The following MYO9B variants were observed in gnomAD, a reference collection of about 807,000 sequenced individuals.
The protein encoded by MYO9B is unconventional myosin-IXb.
In MYO9B, 71 loss-of-function variants were observed where a neutral mutation model predicts 229.5. The ratio of observed to expected loss-of-function variants is 0.31; its 90% CI spans 0.26 to 0.38. The LOEUF (loss-of-function observed/expected upper bound fraction) is 0.38. Among genes scored for constraint, MYO9B ranks in the 10% least tolerant of loss-of-function variants. MYO9B has a pLI of 1.00. For synonymous variants in MYO9B, 1,185 were observed against 1,235.8 expected, an observed-to-expected ratio of 0.96 and a Z score of 0.86; for missense variants, 2,255 against 2,920.5, an observed-to-expected ratio of 0.77 and a Z score of 5.25.
chr19:17,090,284 C>T lies in MYO9B; in HGVS notation c.-58-11376C>T, dbSNP rs548507053. 1.6e-4 allele frequency among the ~76,000 whole-genome samples: 25 copies of T among 152,062 alleles called. 1 individual carries two copies. The South Asian group carries it at 5.2e-3, about 32-fold the overall frequency. On this transcript the variant is annotated intron_variant, in intron 1 of 39. Coordinates refer to ENST00000682292, the MANE Select transcript of MYO9B (RefSeq NM_004145.4). ...TCAGCCTCCTGAGTAGCTGGGATTA[C>T]AGGCACACACCACCACACCTGGCTA... is the stretch of plus-strand genomic sequence containing the variant.
In MYO9B at chr19:17,212,237, C is replaced by G. The variant is rs765668984; in HGVS notation, c.6401C>G (p.Pro2134Arg). ...CCCCTAGAAGAGGATGGCCAGCCAC[C>G]TGGGGCCAAGCGGAGGTACTCGGAT... The part of the protein sequence containing the change: ...LEPLEEDGQP[P>R]GAKRRYSDPP... The change falls in exon 40 of 40, where the codon CCT (proline) becomes CGT (arginine). Residue 2134 changes from proline (P) to arginine (R), a missense_variant. Transcript: ENST00000682292. The surrounding 1 kb of genome is among the most constrained non-coding windows in gnomAD (Gnocchi z 5.4). 1 of 1,581,626 alleles carries G rather than the reference C, an allele frequency of 6.3e-7. No individual in the cohort carries two copies.
chr19:17,090,063 C>T (rs2057621803), intron 1 of MYO9B, among the ~76,000 whole-genome samples: 1 of 147,486 alleles, frequency 6.8e-6, no homozygotes, highest in African/African-American at 2.5e-5. Context: ...TTCTCTCACT[C>T]AGCATCATGT....
chr19:17,114,632 G>C (rs193104033), intron 2 of MYO9B, among the ~76,000 whole-genome samples: 50 of 152,220 alleles, frequency 3.3e-4, no homozygotes, highest in African/African-American at 1.2e-3. Context: ...CTCCCTGCTG[G>C]GGTTTTTTGC....
intron 20 of MYO9B, among the ~76,000 whole-genome samples, chr19:17,192,268 G>GGGCGACA (rs1225729019): frequency 1.4e-5 from 2 of 140,184 alleles, no homozygotes; most frequent in African/African-American, 2.8e-5. Context: ...ACTCCAGCCT[G>GGGCGACA]GTGAGACTCC....
At chr19:17,188,443 A>AG (rs1599407279) in intron 19 of MYO9B, among the ~76,000 whole-genome samples, 1 of 146,582 alleles carries the variant, frequency 6.8e-6, no homozygotes, top group Non-Finnish European at 1.5e-5. Context: ...AAAAAAAAAA[A>AG]AAAAAAAGAA....
rs950196665 is a variant in MYO9B, at chr19:17,206,259, G to C, written c.5269G>C (p.Val1757Leu). 1 of 955,750 alleles carries C rather than the reference G, an allele frequency of 1.0e-6. No homozygotes were observed. Among genetic ancestry groups the C allele is most frequent in the Admixed American group, 2.3e-5 (1 of 42,970 alleles). The allele number at this position is 955,750 out of a possible 1,614,324, so 59.2% of individuals were successfully genotyped here. ...CACCCACCCCACAGACCCCGCAGCA[G>C]TCAAGCTGGAGAACTTCCCCATCCA... The part of the protein sequence containing the change: ...RQALQTDPAA[V>L]KLENFPIHAI... The change falls in exon 33 of 40, where the codon GTC becomes CTC. Residue 1757 changes from valine (V) to leucine (L), a missense_variant. Val to Leu is a conservative substitution (Grantham distance 32). This residue lies in a region of MYO9B where 416 missense variants were observed against 605.5 expected (regional missense o/e 0.69). Coordinates refer to ENST00000682292, the MANE Select transcript of MYO9B (RefSeq NM_004145.4).
chr19:17,078,138 G>A (rs1003263182), intron 1 of MYO9B, among the ~76,000 whole-genome samples: 1 of 152,196 alleles, frequency 6.6e-6, no homozygotes, highest in Non-Finnish European at 1.5e-5. Context: ...TTAGGCAAGG[G>A]TTGATTGTGC....
intron 14 of MYO9B, among the ~76,000 whole-genome samples, chr19:17,176,360 G>A (rs1474506512): frequency 6.6e-6 from 1 of 151,848 alleles, no homozygotes; most frequent in Admixed American, 6.6e-5. Flanking sequence ...TAGTAGAGAC[G>A]GAGTTACTCC....
At chr19:17,139,824 C>T (rs964768532) in intron 2 of MYO9B, among the ~76,000 whole-genome samples, 1 of 152,050 alleles carries the variant, frequency 6.6e-6, no homozygotes, top group East Asian at 1.9e-4. Flanking sequence ...GGCGGATCAC[C>T]TGAGGTTGGG....
chr19:17,190,094 G>C (rs191984961), intron 19 of MYO9B, among the ~76,000 whole-genome samples: 1 of 151,004 alleles, frequency 6.6e-6, no homozygotes, highest in Non-Finnish European at 1.5e-5. Flanking sequence ...ATTACAGACT[G>C]TTGACCTGGC....
At chr19:17,164,147 G>A (rs1420078761) in intron 10 of MYO9B, among the ~76,000 whole-genome samples, 2 of 152,024 alleles carry the variant, frequency 1.3e-5, no homozygotes, top group Admixed American at 6.6e-5. Context: ...AGCTAGAACC[G>A]GAATCTCCCT....
chr19:17,174,888 C>T (rs866521863), intron 13 of MYO9B, among the ~76,000 whole-genome samples: 6 of 151,494 alleles, frequency 4.0e-5, no homozygotes, highest in East Asian at 3.9e-4. Context: ...GAGCCAAGAT[C>T]GCGCCACTGC....
At chr19:17,152,842 G>T in intron 4 of MYO9B, 136 bp downstream of exon 4, 1 of 713,062 alleles carries the variant, frequency 1.4e-6, no homozygotes. Flanking sequence ...CACAGGAGCA[G>T]GGCCTGCCCA....
chr19:17,102,906 C>CA (rs55723401), intron 2 of MYO9B, among the ~76,000 whole-genome samples: 354 of 134,652 alleles, frequency 2.6e-3, no homozygotes, highest in African/African-American at 6.4e-3. Flanking sequence ...GACTCCATCT[C>CA]AAAAAAAAAA....
Position 17,168,101 on chromosome 19 carries a change from C to T in MYO9B, c.1793+37C>T, listed in dbSNP as rs199700696. ...CACCCCGTCCATCCCGGCACATCTA[C>T]GCATGGGCACTGGGTCAGGTTCTGC... On this transcript the variant is annotated intron_variant, in intron 11 of 39. Coordinates refer to ENST00000682292, the MANE Select transcript of MYO9B (RefSeq NM_004145.4). 9.1e-5 allele frequency: 146 copies of T among 1,606,998 alleles called. No homozygotes were observed. In the African/African-American group the frequency reaches 1.6e-3, roughly 17 times the overall value.
At chr19:17,185,306 G>A (rs534215159) in intron 17 of MYO9B, among the ~76,000 whole-genome samples, 16 of 151,370 alleles carry the variant, frequency 1.1e-4, no homozygotes, top group Non-Finnish European at 2.2e-4. Context: ...CCCGGGAGGC[G>A]GAGCTTGCAG....
rs61734358 is a variant in MYO9B at position 17,205,327 on chromosome 19, C to T, written c.5055C>T (p.Tyr1685=). Residue 1685 remains tyrosine (Y), a synonymous_variant, in exon 31 of 40, where the codon TAC becomes TAT. Coordinates refer to ENST00000682292, the MANE Select transcript of MYO9B (RefSeq NM_004145.4). ...TTCAGAGCCACTGCTCCTACACCTA[C>T]GGGAGGAAGGTGAGTGTACGAGGCC... is the stretch of plus-strand genomic sequence containing the variant. ...HKIQSHCSYT[Y]GRKGEPGVEP... is the part of the protein sequence containing the mutation. The T allele has an allele frequency of 2.7e-3, 4,354 of 1,613,582 alleles. 75 individuals carry two copies. In the African/African-American group the frequency reaches 0.051, roughly 19 times the overall value.
intron 1 of MYO9B, among the ~76,000 whole-genome samples, chr19:17,083,265 A>G (rs2057551572): frequency 1.3e-5 from 2 of 152,254 alleles, no homozygotes; most frequent in Non-Finnish European, 2.9e-5. Flanking sequence ...TCCTGGGCTC[A>G]AGTGATCACC....
chr19:17,083,197 G>A (rs1320233173), intron 1 of MYO9B, among the ~76,000 whole-genome samples: 2 of 151,866 alleles, frequency 1.3e-5, no homozygotes, highest in Non-Finnish European at 2.9e-5. Context: ...CACCACGCCA[G>A]GCTAATTTTT....
Sources: gnomAD v4.1 joint callset for allele counts (sites outside exome capture counted in the v4.1 genomes callset) on GRCh38, gnomAD v4.1.1 for gene constraint, gnomAD v4.1.1 regional missense constraint, Gnocchi (gnomAD v3.1) non-coding constraint, MANE v1.5 for transcripts, NCBI Gene and HGNC (gene_info 2026-07-23, HGNC 2026-07-21) for gene names.